Variants in PIWIL2 observed in about 807,000 individuals in gnomAD.
PIWIL2 encodes piwi like RNA-mediated gene silencing 2.
Under a neutral mutation model 116.5 loss-of-function variants are expected in PIWIL2, and 81 were observed. That is an observed-to-expected ratio of 0.70 (90% CI 0.58 to 0.84). The LOEUF is 0.84. PIWIL2 is among the 40% of genes least tolerant of loss of function. PIWIL2 has a pLI of 0.00. For missense variants in PIWIL2, 1,272 were observed against 1,212.3 expected, an observed-to-expected ratio of 1.05 and a Z score of -0.73; for synonymous variants, 489 against 429.5, an observed-to-expected ratio of 1.14 and a Z score of -1.71.
chr8:22,305,285 C>T (rs1213322300), intron 12 of PIWIL2, among the ~76,000 whole-genome samples: 4 of 151,958 alleles, frequency 2.6e-5, no homozygotes, highest in East Asian at 1.9e-4. Context: ...CTCCGCCTCC[C>T]GGGTTCACAT....
chr8:22,285,729 C>A (rs188490994), intron 6 of PIWIL2, among the ~76,000 whole-genome samples: 4 of 152,162 alleles, frequency 2.6e-5, no homozygotes, highest in Non-Finnish European at 4.4e-5. Context: ...GCAACCTCTG[C>A]CTCCAAGGTT....
At chr8:22,279,742 C>T (rs1586528366) in intron 2 of PIWIL2, among the ~76,000 whole-genome samples, 158 bp downstream of exon 2, 1 of 152,150 alleles carries the variant, frequency 6.6e-6, no homozygotes, top group Non-Finnish European at 1.5e-5. Context: ...CATCTGAGGT[C>T]GGGAGTTCAA....
chr8:22,300,016 T>C (rs1344543094), intron 10 of PIWIL2, among the ~76,000 whole-genome samples: 1 of 152,142 alleles, frequency 6.6e-6, no homozygotes, highest in Non-Finnish European at 1.5e-5. Flanking sequence ...CTCAGCTCGC[T>C]GCAACCTCCA....
intron 1 of PIWIL2, among the ~76,000 whole-genome samples, chr8:22,276,447 C>G (rs1354376684): frequency 6.6e-6 from 1 of 152,124 alleles, no homozygotes; most frequent in Non-Finnish European, 1.5e-5. Flanking sequence ...TCCCGAGTAG[C>G]TGGGATTACA....
intron 16 of PIWIL2, among the ~76,000 whole-genome samples, chr8:22,313,996 C>G (rs1831394116): frequency 6.6e-6 from 1 of 152,192 alleles, no homozygotes; most frequent in Admixed American, 6.5e-5. Flanking sequence ...GAATTGGAAG[C>G]AGCAAGTAAT....
chr8:22,316,422 T>G (rs1235997548), intron 19 of PIWIL2, 89 bp downstream of exon 19: 3 of 810,874 alleles, frequency 3.7e-6, no homozygotes, highest in Non-Finnish European at 6.3e-6. Flanking sequence ...TTTAGCATTA[T>G]GTATTACAAT....
chr8:22,281,514 A>G lies in PIWIL2; in HGVS notation c.424A>G (p.Arg142Gly), dbSNP rs1253072090. The stretch of plus-strand genomic sequence containing the variant: ...GGCAGAGACCTCCGTTGGTTGGAGT[A>G]GGTGGGTAAAGTTACCCTCTCAGGT... ...KMAETSVGWSRTLGRGSSDAS... is the reference protein window; with the variant it reads ...KMAETSVGWSGTLGRGSSDAS... The change falls in exon 4 of 23, where the codon AGG becomes GGG. Residue 142 changes from arginine (R) to glycine (G), a missense_variant and splice_region_variant. Coordinates refer to ENST00000356766, the MANE Select transcript of PIWIL2 (RefSeq NM_018068.5). 1.3e-6 allele frequency: 2 copies of G among 1,566,976 alleles called. No individual in the cohort carries two copies. The highest frequency in any genetic ancestry group is 1.7e-6 in the Non-Finnish European group (2 of 1,165,706).
chr8:22,308,854 G>T (rs1831254178), intron 14 of PIWIL2, among the ~76,000 whole-genome samples: 1 of 152,078 alleles, frequency 6.6e-6, no homozygotes, highest in South Asian at 2.1e-4. Context: ...TCACCATGTT[G>T]CCATGGCTGG....
In PIWIL2 at chr8:22,321,863, G is replaced by A. The variant is rs962181454; in HGVS notation, c.2403+3588G>A. 29 of 984,880 alleles carry A rather than the reference G, an allele frequency of 2.9e-5. No homozygotes were observed. The African/African-American group carries it at 3.5e-4, about 12-fold the overall frequency. The allele number at this position is 984,880 out of a possible 1,614,324, so 61.0% of individuals were successfully genotyped here. ...TCCCCTAGGAATGGCAGTAACCACCGGAAGTTCCAACACCTCCGAACAGTT... is the reference window on the plus strand; with the variant it reads ...TCCCCTAGGAATGGCAGTAACCACCAGAAGTTCCAACACCTCCGAACAGTT... On this transcript the variant is annotated intron_variant, in intron 20 of 22. Coordinates refer to ENST00000356766, the MANE Select transcript of PIWIL2 (RefSeq NM_018068.5).
In PIWIL2 at chr8:22,357,349, A is replaced by C. The variant is rs1832509579; in HGVS notation, c.*1844A>C. 1 of 152,230 alleles carries C rather than the reference A, an allele frequency of 6.6e-6. No homozygotes were observed. The allele number at this position is 152,230 out of a possible 1,614,324, so 9.4% of individuals were successfully genotyped here. A position where few individuals can be genotyped will look rare whatever the true frequency, so the allele number is the denominator to read the frequency against. ...GTGAACCACTGGTCTCTGGCTAAGC[A>C]GATCAGTTTTCTGATTTTCCTTGGA... On this transcript the variant is annotated 3_prime_UTR_variant, in exon 23 of 23. Transcript: ENST00000356766.
intron 1 of PIWIL2, 84 bp downstream of exon 1, chr8:22,275,482 G>C (rs1830339933): frequency 6.6e-6 from 1 of 152,558 alleles, no homozygotes; most frequent in African/African-American, 2.4e-5. Flanking sequence ...TCAAGCACGT[G>C]GGGTGAGCCG....
At chr8:22,287,933 C>A (rs1368400345) in intron 7 of PIWIL2, among the ~76,000 whole-genome samples, 4 of 152,248 alleles carry the variant, frequency 2.6e-5, no homozygotes, top group African/African-American at 9.6e-5. Flanking sequence ...GTTTGAATTC[C>A]TCAAGAAGCA....
chr8:22,293,270 C>G (rs1362981825), intron 10 of PIWIL2, among the ~76,000 whole-genome samples: 1 of 149,178 alleles, frequency 6.7e-6, no homozygotes, highest in African/African-American at 2.6e-5. Context: ...GGTAGTGCTA[C>G]TGTACTCCAG....
chr8:22,317,780 C>T (rs917283987), intron 19 of PIWIL2, among the ~76,000 whole-genome samples: 1 of 152,130 alleles, frequency 6.6e-6, no homozygotes, highest in Non-Finnish European at 1.5e-5. Context: ...CTGCCTCAGC[C>T]TCCCGAGTAG....
At chr8:22,349,417 G>GTATATATATATATATATATATATATATA (rs1431825878) in intron 20 of PIWIL2, among the ~76,000 whole-genome samples, 1 of 134,598 alleles carries the variant, frequency 7.4e-6, no homozygotes, top group Admixed American at 7.6e-5. Context: ...ATATGTGTGT[G>GTATATATATATATATATATATATATATA]TGTATATATA....
At chr8:22,331,247 A>C (rs1831855782) in intron 20 of PIWIL2, among the ~76,000 whole-genome samples, 1 of 152,112 alleles carries the variant, frequency 6.6e-6, no homozygotes, top group Admixed American at 6.5e-5. Flanking sequence ...ACACATTTAA[A>C]AGTAACTTTT....
chr8:22,314,262 C>G, intron 16 of PIWIL2, 66 bp from the exon 17 acceptor site: 1 of 771,104 alleles, frequency 1.3e-6, no homozygotes. Context: ...ATACTGCCAA[C>G]TAGAGTCCTG....
chr8:22,329,473 A>G (rs999361744), intron 20 of PIWIL2, among the ~76,000 whole-genome samples: 1 of 152,230 alleles, frequency 6.6e-6, no homozygotes, highest in Non-Finnish European at 1.5e-5. Flanking sequence ...AGTAAATGAG[A>G]GAGAGAGAAA....
At chr8:22,326,471 A>G (rs931563634) in intron 20 of PIWIL2, among the ~76,000 whole-genome samples, 4 of 152,096 alleles carry the variant, frequency 2.6e-5, no homozygotes, top group Non-Finnish European at 5.9e-5. Context: ...CCGCATAAAA[A>G]CACCCCATGC....
Sources: allele counts gnomAD v4.1 joint callset (sites outside exome capture counted in the v4.1 genomes callset), GRCh38; gene constraint gnomAD v4.1.1; transcripts MANE v1.5; gene names NCBI Gene and HGNC (gene_info 2026-07-23, HGNC 2026-07-21).